Variants in MEI4 observed in about 807,000 individuals in gnomAD.
MEI4 encodes the protein meiotic double-stranded break formation protein 4.
MEI4 carries 27 observed loss-of-function variants against 31.4 expected under a neutral mutation model. That is an observed-to-expected ratio of 0.86 (90% CI 0.63 to 1.19). The LOEUF (loss-of-function observed/expected upper bound fraction) is 1.19, where lower values mean the gene tolerates loss of function less well. Ranked by LOEUF, MEI4 falls within the 50% of genes most tolerant of loss-of-function variation. The pLI is 0.00. For synonymous variants in MEI4, 122 were observed against 145.4 expected (o/e 0.84, Z 1.16); for missense variants, 329 against 398.9 (o/e 0.82, Z 1.49).
intron 4 of MEI4, among the ~76,000 whole-genome samples, chr6:77,871,715 T>A (rs12189645): frequency 0.28 from 43,242 of 151,906 alleles, 6,819 homozygotes; most frequent in South Asian, 0.38. Flanking sequence ...AAATTATTTT[T>A]AAAAAAACAT....
At chr6:77,748,155 C>T (rs1767664857) in intron 2 of MEI4, among the ~76,000 whole-genome samples, 1 of 152,146 alleles carries the variant, frequency 6.6e-6, no homozygotes, top group Non-Finnish European at 1.5e-5. Context: ...GGGACAGTAG[C>T]CCTCTTCTCT....
chr6:77,902,964 A>G (rs749658856), intron 4 of MEI4, among the ~76,000 whole-genome samples: 2 of 152,024 alleles, frequency 1.3e-5, no homozygotes, highest in Non-Finnish European at 2.9e-5. Context: ...TGGCAAATAA[A>G]CTTTCTAAAT....
intron 4 of MEI4, among the ~76,000 whole-genome samples, chr6:77,873,966 C>A (rs1372612231): frequency 6.6e-6 from 1 of 152,118 alleles, no homozygotes; most frequent in African/African-American, 2.4e-5. Context: ...TGATCTATAT[C>A]TCTGTTTTGG....
chr6:77,676,762 C>A (rs1307053545), intron 1 of MEI4, among the ~76,000 whole-genome samples: 1 of 152,074 alleles, frequency 6.6e-6, no homozygotes, highest in African/African-American at 2.4e-5. Flanking sequence ...TTTCTTTATT[C>A]TTTTATCAGA....
In MEI4 at chr6:77,913,136, T is replaced by C. The variant is rs117651509; in HGVS notation, c.901-9953T>C. Among the ~76,000 whole-genome samples the C allele has an allele frequency of 7.9e-3, 1,201 of 152,306 alleles. 9 individuals carry two copies. The highest frequency in any genetic ancestry group is 0.012 in the Non-Finnish European group (789 of 68,014). On this transcript the variant is annotated intron_variant, in intron 4 of 4. Transcript: ENST00000684080. The stretch of plus-strand genomic sequence containing the variant: ...ACTATCCTTGCATTTCTGGGATGAA[T>C]TCTACTTGATCGCAGTGTATTTTCC...
chr6:77,665,966 G>A (rs974918455), intron 1 of MEI4, among the ~76,000 whole-genome samples: 1 of 152,138 alleles, frequency 6.6e-6, no homozygotes, highest in Non-Finnish European at 1.5e-5. Flanking sequence ...ATTTCCCAAG[G>A]GAGGTCCCCC....
intron 2 of MEI4, among the ~76,000 whole-genome samples, chr6:77,691,955 C>T (rs547925156): frequency 1.3e-5 from 2 of 152,034 alleles, no homozygotes; most frequent in African/African-American, 4.8e-5. Flanking sequence ...TATTTCTTTG[C>T]ATAAAACTCT....
At position 77,672,967 on chromosome 6, in the gene MEI4, G is replaced by A. The variant is rs377728906; in HGVS notation, c.-14-17691G>A. ...TTTTAGCAGGTAAGACAGATACAAGGTCAGTGCAAACTTTAATAACAGCAA... is the reference window on the plus strand; with the variant it reads ...TTTTAGCAGGTAAGACAGATACAAGATCAGTGCAAACTTTAATAACAGCAA... On this transcript the variant is annotated intron_variant, in intron 1 of 4. Transcript: ENST00000684080. Among the ~76,000 whole-genome samples, 43 of 152,312 alleles carry A rather than the reference G, an allele frequency of 2.8e-4. No individual in the cohort carries two copies. In the East Asian group the frequency reaches 6.9e-3, roughly 25 times the overall value.
At chr6:77,917,645 T>A (rs1766593814) in intron 4 of MEI4, among the ~76,000 whole-genome samples, 1 of 74,698 alleles carries the variant, frequency 1.3e-5, no homozygotes, top group Non-Finnish European at 2.4e-5. Context: ...TTGTTTGAGT[T>A]CATTGTAGAT....
intron 2 of MEI4, among the ~76,000 whole-genome samples, chr6:77,695,983 C>T (rs1481921544): frequency 6.6e-6 from 1 of 152,050 alleles, no homozygotes; most frequent in Non-Finnish European, 1.5e-5. Context: ...CCTTCACATC[C>T]CTTGTAATTT....
intron 2 of MEI4, among the ~76,000 whole-genome samples, chr6:77,738,271 G>C (rs1285182552): frequency 6.6e-6 from 1 of 152,320 alleles, no homozygotes; most frequent in African/African-American, 2.4e-5. Context: ...AGCTCAGGTA[G>C]TGAAGACAAT....
chr6:77,702,525 C>A (rs1766247940), intron 2 of MEI4, among the ~76,000 whole-genome samples: 1 of 152,168 alleles, frequency 6.6e-6, no homozygotes, highest in South Asian at 2.1e-4. Context: ...ATAATAATTT[C>A]TTTCTGCATA....
At position 77,924,455 on chromosome 6, in the gene MEI4, G is replaced by C. The variant is rs538273841; in HGVS notation, c.*1109G>C. 1 of 151,874 alleles carries C rather than the reference G, an allele frequency of 6.6e-6. No homozygotes were observed. The highest frequency in any genetic ancestry group is 2.1e-4 in the South Asian group (1 of 4,824). 9.4% of individuals were successfully genotyped at this position (151,874 alleles called of 1,614,324 possible). The stretch of plus-strand genomic sequence containing the variant: ...ACTACATGTATGTCAGTCAGCTTTT[G>C]TTATGTGACAGATAGATAATCAATC... On this transcript the variant is annotated 3_prime_UTR_variant, in exon 5 of 5. Transcript: ENST00000684080.
chr6:77,699,989 G>T (rs948529303), intron 2 of MEI4, among the ~76,000 whole-genome samples: 1 of 152,156 alleles, frequency 6.6e-6, no homozygotes, highest in Non-Finnish European at 1.5e-5. Flanking sequence ...GGCAGTGTGA[G>T]GTGTCAGTCT....
intron 4 of MEI4, among the ~76,000 whole-genome samples, chr6:77,911,701 G>A (rs1034525312): frequency 6.8e-6 from 1 of 147,600 alleles, no homozygotes; most frequent in Non-Finnish European, 1.5e-5. Flanking sequence ...CATATATTAT[G>A]TATATAATAC....
At chr6:77,828,844 C>A in intron 3 of MEI4, 87 bp from the exon 4 acceptor site, 1 of 997,518 alleles carries the variant, frequency 1.0e-6, no homozygotes, top group Non-Finnish European at 1.3e-6. Flanking sequence ...ATATTCCTCA[C>A]AGCATTTAGC....
At chr6:77,727,547 T>C (rs768886331) in intron 2 of MEI4, among the ~76,000 whole-genome samples, 76 of 152,336 alleles carry the variant, frequency 5.0e-4, no homozygotes, top group Non-Finnish European at 1.1e-3. Flanking sequence ...TAGCAAAATA[T>C]AGTAATCACT....
intron 4 of MEI4, among the ~76,000 whole-genome samples, chr6:77,896,897 A>G (rs1187411036): frequency 6.6e-6 from 1 of 152,072 alleles, no homozygotes; most frequent in African/African-American, 2.4e-5. Context: ...GATACAAAGT[A>G]GCTTAAGAGT....
At chr6:77,922,600 GTA>G (rs555053219) in intron 4 of MEI4, among the ~76,000 whole-genome samples, 3 of 151,642 alleles carry the variant, frequency 2.0e-5, no homozygotes, top group Non-Finnish European at 4.4e-5. Flanking sequence ...TCATGACTAT[GTA>G]TATGATTCAA....
Sources: allele counts gnomAD v4.1 joint callset (sites outside exome capture counted in the v4.1 genomes callset), GRCh38; gene constraint gnomAD v4.1.1; transcripts MANE v1.5; gene names NCBI Gene and HGNC (gene_info 2026-07-23, HGNC 2026-07-21).